WDR7: variants seen among roughly 807,000 people sequenced by gnomAD.
The protein encoded by WDR7 is WD repeat domain 7.
Under a neutral mutation model 169.4 loss-of-function variants are expected in WDR7, and 46 were observed. The ratio of observed to expected loss-of-function variants is 0.27; its 90% CI spans 0.21 to 0.35. The LOEUF is 0.35. WDR7 is among the 10% of genes least tolerant of loss of function. The pLI is 1.00. For missense variants in WDR7, 1,534 were observed against 1,859.3 expected, an observed-to-expected ratio of 0.83 and a Z score of 3.22; for synonymous variants, 612 against 666.8, an observed-to-expected ratio of 0.92 and a Z score of 1.27.
intron 12 of WDR7, among the ~76,000 whole-genome samples, chr18:56,708,009 G>A (rs2025998440): frequency 6.6e-6 from 1 of 150,608 alleles, no homozygotes. Flanking sequence ...TATCAGAGGT[G>A]TGTGAATTCA....
At chr18:57,036,597 T>C in the WDR7 span, 1 of 152,274 alleles carries the variant, frequency 6.6e-6, no homozygotes, top group Non-Finnish European at 1.5e-5. Flanking sequence ...ATACACCCGC[T>C]TTCAGCAAAT....
In WDR7 at chr18:56,731,399, T is replaced by C; in HGVS notation, c.1791T>C (p.Cys597=). The part of the protein sequence containing the change: ...WQMDTGALDR[C]VMGITAVEIL... ...TTCTCGCAGGTGCATTGGATCGTTG[T>C]GTGATGGGGATAACAGCAGTTGAGA... is the stretch of plus-strand genomic sequence containing the variant. The change falls in exon 14 of 28, where the codon TGT becomes TGC. Residue 597 remains cysteine (C), a synonymous_variant. Transcript: ENST00000254442. 6.2e-7 allele frequency: 1 copy of C among 1,613,944 alleles called. No individual in the cohort carries two copies. Among genetic ancestry groups the C allele is most frequent in the East Asian group, 2.2e-5 (1 of 44,874 alleles).
chr18:56,951,867 T>C (rs917273796), intron 25 of WDR7, among the ~76,000 whole-genome samples: 1 of 152,158 alleles, frequency 6.6e-6, no homozygotes, highest in Non-Finnish European at 1.5e-5. Context: ...CCAAAGAACA[T>C]TTGTTTACAG....
intron 21 of WDR7, chr18:56,891,002 T>C (rs926206598): frequency 6.6e-6 from 1 of 152,214 alleles, no homozygotes; most frequent in Non-Finnish European, 1.5e-5. Flanking sequence ...AGGGGTGGGA[T>C]TCAGGCATCT....
chr18:56,866,006 G>T (rs1195588865), intron 20 of WDR7, among the ~76,000 whole-genome samples: 1 of 152,062 alleles, frequency 6.6e-6, no homozygotes, highest in Non-Finnish European at 1.5e-5. Flanking sequence ...ACATAATAGA[G>T]ATTCATGTTG....
chr18:56,686,434 T>C (rs2025446019), intron 6 of WDR7, among the ~76,000 whole-genome samples: 1 of 152,140 alleles, frequency 6.6e-6, no homozygotes. Context: ...TCCTTGTTCT[T>C]TTTTTTATCA....
At chr18:56,858,158 A>G (rs934640975) in intron 20 of WDR7, among the ~76,000 whole-genome samples, 3 of 152,052 alleles carry the variant, frequency 2.0e-5, no homozygotes, top group Non-Finnish European at 4.4e-5. Flanking sequence ...CTTGAATTCT[A>G]CTTATTTTTA....
At chr18:57,023,758 T>C (rs994627441) in intron 27 of WDR7, among the ~76,000 whole-genome samples, 11 of 152,332 alleles carry the variant, frequency 7.2e-5, no homozygotes, top group Non-Finnish European at 1.2e-4. Flanking sequence ...AGGAGTTTAG[T>C]AATGAAATAC....
At position 56,924,230 on chromosome 18, in the gene WDR7, G is replaced by C. The variant is rs1197309879; in HGVS notation, c.3713+122G>C. 3 of 1,105,894 alleles carry C rather than the reference G, an allele frequency of 2.7e-6. No homozygotes were observed. The South Asian group carries it at 4.8e-5, about 18-fold the overall frequency. 68.5% of individuals were successfully genotyped at this position (1,105,894 alleles called of 1,614,324 possible). On this transcript the variant is annotated intron_variant, in intron 22 of 27. Transcript: ENST00000254442. Reference sequence around the variant, plus strand: ...TTTAATAGATAAAAAATACACAAATGTTTCAATATGTGAAGTTTTGAATAT... The same window carrying C: ...TTTAATAGATAAAAAATACACAAATCTTTCAATATGTGAAGTTTTGAATAT...
chr18:56,697,563 G>GTATT (rs58086249), intron 12 of WDR7, among the ~76,000 whole-genome samples: 139,181 of 151,906 alleles, frequency 0.92, 64,865 homozygotes, highest in Non-Finnish European at 1. Flanking sequence ...AAACTGCTAT[G>GTATT]TATTTAACCA....
intron 16 of WDR7, among the ~76,000 whole-genome samples, chr18:56,774,356 A>G (rs146187010): frequency 6.6e-6 from 1 of 152,236 alleles, no homozygotes; most frequent in African/African-American, 2.4e-5. Flanking sequence ...ACACGTTGTC[A>G]CACACGTTTA....
chr18:56,985,529 T>C (rs1400523396), intron 26 of WDR7, among the ~76,000 whole-genome samples: 2 of 152,134 alleles, frequency 1.3e-5, no homozygotes, highest in Non-Finnish European at 2.9e-5. Flanking sequence ...ATTCTCAAAA[T>C]GTCTTCCAAG....
chr18:56,949,227 T>G (rs1038698672), intron 25 of WDR7, among the ~76,000 whole-genome samples: 1 of 152,158 alleles, frequency 6.6e-6, no homozygotes, highest in Admixed American at 6.6e-5. Context: ...TCTCAAACTT[T>G]TTGGTCTCAG....
At chr18:56,807,378 T>C (rs1460857939) in intron 19 of WDR7, among the ~76,000 whole-genome samples, 3 of 152,180 alleles carry the variant, frequency 2.0e-5, no homozygotes, top group Admixed American at 2.0e-4. Context: ...TTGGTTTTTT[T>C]GTGTCTTTTG....
At chr18:56,698,605 CAAAA>C (rs34560445) in intron 12 of WDR7, among the ~76,000 whole-genome samples, 2 of 88,076 alleles carry the variant, frequency 2.3e-5, no homozygotes. Flanking sequence ...GACTCTGTCT[CAAAA>C]AAAAAAAAAA....
chr18:56,849,892 C>T (rs1599098954), intron 20 of WDR7, among the ~76,000 whole-genome samples: 1 of 151,586 alleles, frequency 6.6e-6, no homozygotes, highest in East Asian at 1.9e-4. Flanking sequence ...TTTATCCCAC[C>T]TGAGACTAAG....
At chr18:56,744,840 A>G (rs535635137) in intron 14 of WDR7, among the ~76,000 whole-genome samples, 4 of 152,256 alleles carry the variant, frequency 2.6e-5, no homozygotes, top group Non-Finnish European at 4.4e-5. Context: ...GATGTGGGGG[A>G]GATCTGGAAC....
intron 16 of WDR7, among the ~76,000 whole-genome samples, chr18:56,760,839 C>T (rs1337847157): frequency 2.6e-5 from 4 of 152,112 alleles, no homozygotes; most frequent in African/African-American, 9.7e-5. Context: ...GCAATGAGAA[C>T]TCTTATATAC....
intron 13 of WDR7, among the ~76,000 whole-genome samples, chr18:56,720,454 TAAAC>T (rs2026296976): frequency 1.3e-5 from 2 of 151,118 alleles, no homozygotes; most frequent in South Asian, 4.2e-4. Context: ...GTCTTAAAAA[TAAAC>T]AAACAAAAAA....
Sources: gnomAD v4.1 joint callset for allele counts (sites outside exome capture counted in the v4.1 genomes callset) on GRCh38, gnomAD v4.1.1 for gene constraint, MANE v1.5 for transcripts, NCBI Gene and HGNC (gene_info 2026-07-23, HGNC 2026-07-21) for gene names.